CNTNAP2: variants seen among roughly 807,000 people sequenced by gnomAD.
The protein encoded by CNTNAP2 is contactin-associated protein-like 2.
A neutral mutation model predicts 155.2 loss-of-function variants in CNTNAP2; 98 were observed. The ratio of observed to expected loss-of-function variants is 0.63; its 90% CI spans 0.54 to 0.75. The LOEUF (loss-of-function observed/expected upper bound fraction) is 0.75. Ranked by LOEUF, CNTNAP2 falls within the 30% of genes least tolerant of loss-of-function variation. The pLI, the probability that CNTNAP2 is intolerant of heterozygous loss-of-function variation, is 0.00. For synonymous variants in CNTNAP2, 651 were observed against 631.2 expected, an observed-to-expected ratio of 1.03 and a Z score of -0.47; for missense variants, 1,727 against 1,688.1, an observed-to-expected ratio of 1.02 and a Z score of -0.40.
intron 1 of CNTNAP2, among the ~76,000 whole-genome samples, chr7:146,224,076 A>T (rs2539747): frequency 0.7 from 106,520 of 152,098 alleles, 38,132 homozygotes; most frequent in East Asian, 0.94. Flanking sequence ...ATGCTTTTAT[A>T]TGGAGTCTCC....
At chr7:147,605,653 T>C (rs548718347) in intron 12 of CNTNAP2, among the ~76,000 whole-genome samples, 8 of 152,206 alleles carry the variant, frequency 5.3e-5, no homozygotes, top group African/African-American at 1.7e-4. Context: ...AGACAATTCA[T>C]GACAAATGTG....
At position 146,743,789 on chromosome 7, in the gene CNTNAP2, GCAGAAA is replaced by G. The variant is rs1436432890; in HGVS notation, c.98-30472_98-30467del. On this transcript the variant is annotated intron_variant, in intron 1 of 23. Transcript: ENST00000361727. ...CAAGACAGCCAAACCCTCTGTCATG[GCAGAAA>G]CAGAAACAGCCTGGGAAATGTTACC... is the stretch of plus-strand genomic sequence containing the variant. Among the ~76,000 whole-genome samples the G allele has an allele frequency of 1.4e-4, 21 of 152,136 alleles. 1 individual carries two copies. The highest frequency in any genetic ancestry group is 1.4e-3 in the Admixed American group (21 of 15,284).
At chr7:146,458,264 C>A (rs1796586351) in intron 1 of CNTNAP2, among the ~76,000 whole-genome samples, 1 of 152,056 alleles carries the variant, frequency 6.6e-6, no homozygotes, top group Admixed American at 6.6e-5. Flanking sequence ...CTATAACAAA[C>A]CTGCACATCC....
At chr7:147,484,629 C>T (rs1261332935) in intron 10 of CNTNAP2, among the ~76,000 whole-genome samples, 2 of 152,184 alleles carry the variant, frequency 1.3e-5, no homozygotes, top group Non-Finnish European at 2.9e-5. Context: ...TGTGGAAGAA[C>T]AGCAAGCTAC....
At chr7:146,138,511 TA>T (rs556371934) in intron 1 of CNTNAP2, among the ~76,000 whole-genome samples, 130 of 152,302 alleles carry the variant, frequency 8.5e-4, no homozygotes, top group African/African-American at 3.0e-3. Flanking sequence ...TTGAACAATA[TA>T]GACCATATCA....
At chr7:147,055,226 C>T (rs1799537669) in intron 4 of CNTNAP2, among the ~76,000 whole-genome samples, 1 of 152,150 alleles carries the variant, frequency 6.6e-6, no homozygotes, top group African/African-American at 2.4e-5. Flanking sequence ...CACTTAGCAA[C>T]TTTAGATTTA....
intron 12 of CNTNAP2, among the ~76,000 whole-genome samples, chr7:147,604,561 G>T (rs1284420305): frequency 6.6e-6 from 1 of 152,128 alleles, no homozygotes; most frequent in Non-Finnish European, 1.5e-5. Flanking sequence ...TCTGGAGCCT[G>T]CTACTTCTCT....
rs755203479 is a variant in CNTNAP2, at chr7:147,977,961, C to G, written c.2355C>G (p.Ser785Arg). The change falls in exon 15 of 24, where the codon AGC becomes AGG. Residue 785 changes from serine (S) to arginine (R), a missense_variant. By Grantham distance (110) the Ser-to-Arg change is moderately radical. Transcript: ENST00000361727. ...GTCAAGGCTCAGAAGCCAAATTGAG[C>G]GTAGGTCCTCTGCGCTGCCAAGGAG... ...TDRQGSEAKL[S>R]VGPLRCQGDR... The G allele has an allele frequency of 6.2e-7, 1 of 1,614,066 alleles. No individual in the cohort carries two copies. The highest frequency in any genetic ancestry group is 2.2e-5 in the East Asian group (1 of 44,870).
intron 11 of CNTNAP2, among the ~76,000 whole-genome samples, chr7:147,517,553 T>C (rs1030936276): frequency 3.3e-5 from 5 of 152,216 alleles, no homozygotes; most frequent in African/African-American, 1.2e-4. Context: ...ACAATAAGTA[T>C]ATAGCACTGG....
chr7:146,837,912 C>A (rs1033250521), intron 2 of CNTNAP2, among the ~76,000 whole-genome samples: 2 of 152,110 alleles, frequency 1.3e-5, no homozygotes, highest in African/African-American at 4.8e-5. Flanking sequence ...CTCTGTGCAA[C>A]CTCTGGTTAT....
At chr7:146,938,964 C>T (rs1796986824) in intron 3 of CNTNAP2, among the ~76,000 whole-genome samples, 1 of 151,900 alleles carries the variant, frequency 6.6e-6, no homozygotes, top group Non-Finnish European at 1.5e-5. Flanking sequence ...AGTTTTAGTG[C>T]AGAAAGACAT....
At chr7:146,552,207 C>T (rs1012324446) in intron 1 of CNTNAP2, among the ~76,000 whole-genome samples, 42 of 152,158 alleles carry the variant, frequency 2.8e-4, no homozygotes, top group African/African-American at 6.5e-4. Flanking sequence ...TCTTCCCACA[C>T]GTCAGAAACA....
intron 8 of CNTNAP2, among the ~76,000 whole-genome samples, chr7:147,153,471 A>G (rs1801865157): frequency 6.6e-6 from 1 of 152,090 alleles, no homozygotes; most frequent in Admixed American, 6.6e-5. Context: ...CCTTATAACA[A>G]AGGTGATAAA....
intron 12 of CNTNAP2, among the ~76,000 whole-genome samples, chr7:147,607,884 CATAA>C (rs1485619675): frequency 2.6e-5 from 4 of 152,130 alleles, no homozygotes; most frequent in African/African-American, 7.2e-5. Flanking sequence ...TAAAATATTG[CATAA>C]ATAATTTGTT....
intron 9 of CNTNAP2, among the ~76,000 whole-genome samples, chr7:147,303,997 T>C (rs907201306): frequency 4.6e-5 from 7 of 152,238 alleles, no homozygotes; most frequent in East Asian, 1.9e-4. Flanking sequence ...TCCTACACTC[T>C]GTTTTGTTTC....
intron 3 of CNTNAP2, among the ~76,000 whole-genome samples, chr7:146,970,899 A>G (rs1797777981): frequency 2.6e-5 from 4 of 152,196 alleles, no homozygotes; most frequent in Admixed American, 2.6e-4. Flanking sequence ...TGATGCGTTC[A>G]TGTCCTTTGT....
At chr7:146,671,815 T>A (rs562894168) in intron 1 of CNTNAP2, among the ~76,000 whole-genome samples, 1 of 151,308 alleles carries the variant, frequency 6.6e-6, no homozygotes, top group African/African-American at 2.4e-5. Context: ...TTTTATTTTG[T>A]TTTTATTTTT....
At chr7:146,563,684 A>G (rs1182802899) in intron 1 of CNTNAP2, among the ~76,000 whole-genome samples, 1 of 152,176 alleles carries the variant, frequency 6.6e-6, no homozygotes, top group Non-Finnish European at 1.5e-5. Context: ...TAGCATCATG[A>G]GAACAGGCAA....
chr7:147,209,343 G>A (rs1803089346), intron 8 of CNTNAP2, among the ~76,000 whole-genome samples: 1 of 151,926 alleles, frequency 6.6e-6, no homozygotes, highest in African/African-American at 2.4e-5. Context: ...GGTATCTTGT[G>A]TGGGTGTGGA....
Sources: gnomAD v4.1 joint callset for allele counts (sites outside exome capture counted in the v4.1 genomes callset) on GRCh38, gnomAD v4.1.1 for gene constraint, MANE v1.5 for transcripts, NCBI Gene and HGNC (gene_info 2026-07-23, HGNC 2026-07-21) for gene names.